CEP20: variants seen among roughly 807,000 people sequenced by gnomAD.
CEP20 encodes the protein FGFR1OP N-terminal like.
A neutral mutation model predicts 20.0 loss-of-function variants in CEP20; 18 were observed. The ratio of observed to expected loss-of-function variants is 0.90; its 90% CI spans 0.62 to 1.34. CEP20 has a LOEUF of 1.34. Ranked by LOEUF, CEP20 falls within the 40% of genes most tolerant of loss-of-function variation. The probability of loss-of-function intolerance (pLI) is 0.00; values close to 1 mark genes in which losing one functional copy is unlikely to be tolerated. For missense variants in CEP20, 215 were observed against 201.6 expected (o/e 1.07, Z -0.40); for synonymous variants, 77 against 73.7 (o/e 1.04, Z -0.23).
At position 15,884,018 on chromosome 16, in the gene CEP20, G is replaced by A. The variant is rs1363767405; in HGVS notation, c.216C>T (p.Val72=). 11 of 1,611,176 alleles carry A rather than the reference G, an allele frequency of 6.8e-6. No homozygotes were observed. The African/African-American group carries it at 9.4e-5, about 14-fold the overall frequency. Reference sequence around the variant, plus strand: ...ATAATAACCACTTACCTGCTATGAGGACAGATGCTGTATACTTATATTTGT... The same window carrying A: ...ATAATAACCACTTACCTGCTATGAGAACAGATGCTGTATACTTATATTTGT... ...EFNKYKYTAS[V]LIAESGQPVV... Residue 72 remains valine, a synonymous_variant, in exon 2 of 5, where the codon GTC becomes GTT. Transcript: ENST00000255759.
intron 4 of CEP20, among the ~76,000 whole-genome samples, chr16:15,869,286 G>A (rs1467159814): frequency 6.8e-6 from 1 of 148,096 alleles, no homozygotes; most frequent in East Asian, 2.0e-4. Context: ...ATCTTGGCAT[G>A]CTTTGGACTT....
intron 3 of CEP20, among the ~76,000 whole-genome samples, chr16:15,876,805 C>T (rs1227773783): frequency 1.3e-5 from 2 of 150,034 alleles, no homozygotes; most frequent in East Asian, 2.0e-4. Context: ...AAAATAAAGC[C>T]GTTTTAGCAA....
intron 2 of CEP20, among the ~76,000 whole-genome samples, chr16:15,881,760 T>C (rs1567240808): frequency 6.6e-6 from 1 of 152,040 alleles, no homozygotes; most frequent in Admixed American, 6.6e-5. Context: ...CAGCAGAAGA[T>C]ATTAAAAATA....
intron 2 of CEP20, chr16:15,882,852 TC>T (rs59368492): frequency 0.066 from 9,953 of 150,932 alleles, 458 homozygotes; most frequent in East Asian, 0.21. Flanking sequence ...CAGTTTTTTT[TC>T]TTTTAAGAGA....
intron 3 of CEP20, among the ~76,000 whole-genome samples, chr16:15,875,028 T>A (rs964111882): frequency 6.6e-6 from 1 of 152,208 alleles, no homozygotes; most frequent in Non-Finnish European, 1.5e-5. Context: ...CTGGCTGGCA[T>A]CTTGACTCCA....
chr16:15,887,650 G>T (rs2045276516), intron 1 of CEP20, among the ~76,000 whole-genome samples: 1 of 152,172 alleles, frequency 6.6e-6, no homozygotes, highest in Admixed American at 6.5e-5. Context: ...GAGGCTCAAT[G>T]ATAACTATTA....
At position 15,873,478 on chromosome 16, in the gene CEP20, G is replaced by C. The variant is rs1471487033; in HGVS notation, c.448+13C>G. On this transcript the variant is annotated intron_variant, in intron 4 of 4. Transcript: ENST00000255759. ...TGCTGACAGCTAAATGATGAATCTT[G>C]GAAAACTCATACCCATTGGCTTTCT... The C allele has an allele frequency of 6.2e-7, 1 of 1,601,906 alleles. No individual in the cohort carries two copies. Among genetic ancestry groups the C allele is most frequent in the South Asian group, 1.1e-5 (1 of 88,298 alleles).
intron 4 of CEP20, among the ~76,000 whole-genome samples, chr16:15,870,670 C>T (rs1345438061): frequency 2.0e-5 from 3 of 151,882 alleles, no homozygotes; most frequent in Non-Finnish European, 4.4e-5. Flanking sequence ...AAAAAATAAG[C>T]GAGGTGCAGT....
chr16:15,869,669 T>C (rs2044766556), intron 4 of CEP20, among the ~76,000 whole-genome samples: 1 of 151,972 alleles, frequency 6.6e-6, no homozygotes, highest in Admixed American at 6.6e-5. Flanking sequence ...TTCTGTTGAA[T>C]GAGCTTCTGT....
chr16:15,872,773 CA>C (rs1424033754), intron 4 of CEP20, among the ~76,000 whole-genome samples: 3 of 124,504 alleles, frequency 2.4e-5, no homozygotes, highest in East Asian at 3.2e-4. Flanking sequence ...TTTTATGTCT[CA>C]AAAAAATACA....
Position 15,887,148 on chromosome 16 carries a change from T to C in CEP20, c.28+1410A>G, listed in dbSNP as rs554677096. Among the ~76,000 whole-genome samples the C allele has an allele frequency of 3.3e-5, 5 of 152,256 alleles. No homozygotes were observed. In the South Asian group the frequency reaches 1.0e-3, roughly 32 times the overall value. ...TTAAACTTCTGGGCTCAAGCGATCC[T>C]CCCAAAGTGTTAGGATTACAGGCAT... On this transcript the variant is annotated intron_variant, in intron 1 of 4. Transcript: ENST00000255759.
intron 2 of CEP20, among the ~76,000 whole-genome samples, chr16:15,883,742 G>T (rs1014314366): frequency 6.6e-6 from 1 of 151,986 alleles, no homozygotes; most frequent in Admixed American, 6.6e-5. Context: ...TGGCAAACAG[G>T]ACAAAACGTC....
chr16:15,886,699 G>A (rs1335665642), intron 1 of CEP20, among the ~76,000 whole-genome samples: 1 of 152,142 alleles, frequency 6.6e-6, no homozygotes, highest in Non-Finnish European at 1.5e-5. Context: ...AAGGAAAAAC[G>A]TGATCGTGCT....
chr16:15,879,247 AGTTTTT>A lies in CEP20; in HGVS notation c.311+551_311+556del, dbSNP rs532339028. The stretch of plus-strand genomic sequence containing the variant: ...CAGAAGCTTGGGGTTGGAAGTTCAT[AGTTTTT>A]GTTTTTGTTTTTGTTTTTGTTTTAG... On this transcript the variant is annotated intron_variant, in intron 3 of 4. Transcript: ENST00000255759. Among the ~76,000 whole-genome samples, 226 of 150,966 alleles carry A rather than the reference AGTTTTT, an allele frequency of 1.5e-3. 3 individuals carry two copies. Among genetic ancestry groups the A allele is most frequent in the South Asian group, 2.3e-3 (11 of 4,786 alleles).
chr16:15,884,694 C>T (rs540954415), intron 1 of CEP20, among the ~76,000 whole-genome samples: 30 of 152,072 alleles, frequency 2.0e-4, no homozygotes, highest in East Asian at 1.4e-3. Flanking sequence ...TTAGTAGAGA[C>T]GGGGTTTCAC....
chr16:15,873,018 A>C (rs2044857376), intron 4 of CEP20, among the ~76,000 whole-genome samples: 1 of 152,020 alleles, frequency 6.6e-6, no homozygotes, highest in Non-Finnish European at 1.5e-5. Context: ...CAGTATACCA[A>C]GGATCTAAGC....
chr16:15,873,516 T>C lies in CEP20; in HGVS notation c.423A>G (p.Arg141=), dbSNP rs201020289. The stretch of plus-strand genomic sequence containing the variant: ...CCATTGGCTTTCTTCTACTAGGTTG[T>C]CTGCCAAGACTTGGGTCTGAAGGCT... ...SLQPSDPSLG[R]QPSRRKPMDD... Residue 141 remains arginine, a synonymous_variant, in exon 4 of 5, where the codon AGA becomes AGG. Coordinates refer to ENST00000255759, the MANE Select transcript of CEP20 (RefSeq NM_144600.4). 1 of 1,613,962 alleles carries C rather than the reference T, an allele frequency of 6.2e-7. No homozygotes were observed.
intron 1 of CEP20, chr16:15,885,185 G>A (rs1188504640): frequency 6.6e-6 from 1 of 151,692 alleles, no homozygotes; most frequent in Non-Finnish European, 1.5e-5. Context: ...GCACGCACCT[G>A]TAGTCCCAGC....
intron 4 of CEP20, among the ~76,000 whole-genome samples, chr16:15,868,377 C>T (rs748859448): frequency 2.6e-5 from 4 of 151,880 alleles, no homozygotes; most frequent in African/African-American, 4.8e-5. Flanking sequence ...GAGCCGAGAT[C>T]GTGCCACTGC....
Sources: allele counts gnomAD v4.1 joint callset (sites outside exome capture counted in the v4.1 genomes callset), GRCh38; gene constraint gnomAD v4.1.1; transcripts MANE v1.5; gene names NCBI Gene and HGNC (gene_info 2026-07-23, HGNC 2026-07-21).